The following IMPG1 variants were observed in gnomAD, a reference collection of about 807,000 sequenced individuals.
IMPG1 encodes interphotoreceptor matrix proteoglycan of 150 kDa.
IMPG1 carries 85 observed loss-of-function variants against 92.0 expected under a neutral mutation model. That is an observed-to-expected ratio of 0.92 (90% confidence interval 0.78 to 1.11). IMPG1 has a LOEUF of 1.11. IMPG1 is among the 50% of genes least tolerant of loss of function. The pLI is 0.00. For missense variants in IMPG1, 1,022 were observed against 956.0 expected (o/e 1.07, Z -0.91); for synonymous variants, 367 against 334.1 (o/e 1.10, Z -1.08).
At chr6:75,997,324 G>T (rs1307150254) in intron 12 of IMPG1, among the ~76,000 whole-genome samples, 4 of 152,134 alleles carry the variant, frequency 2.6e-5, no homozygotes, top group Non-Finnish European at 5.9e-5. Context: ...AACTCAGTTC[G>T]GCTGAGTTGT....
intron 1 of IMPG1, among the ~76,000 whole-genome samples, chr6:76,048,632 A>G (rs183532421): frequency 7.2e-5 from 11 of 152,246 alleles, no homozygotes; most frequent in African/African-American, 2.4e-4. Context: ...CCCTTTTGCT[A>G]TTGGATTATT....
chr6:75,947,280 C>T, intron 14 of IMPG1, 34 bp downstream of exon 14: 1 of 1,515,514 alleles, frequency 6.6e-7, no homozygotes, highest in Non-Finnish European at 9.1e-7. Flanking sequence ...ATGAACAAAA[C>T]ATCTCTACCA....
At chr6:76,058,120 A>G (rs1784150686) in intron 1 of IMPG1, among the ~76,000 whole-genome samples, 1 of 152,148 alleles carries the variant, frequency 6.6e-6, no homozygotes. Flanking sequence ...TGGTTTGCAA[A>G]TATTTTCTCC....
At chr6:76,055,263 C>A (rs971891293) in intron 1 of IMPG1, among the ~76,000 whole-genome samples, 3 of 151,682 alleles carry the variant, frequency 2.0e-5, no homozygotes, top group Non-Finnish European at 4.4e-5. Flanking sequence ...GTGTGAAAAA[C>A]AAATGGAAAA....
At chr6:75,932,740 C>G (rs1781685297) in intron 14 of IMPG1, among the ~76,000 whole-genome samples, 1 of 151,736 alleles carries the variant, frequency 6.6e-6, no homozygotes, top group South Asian at 2.1e-4. Flanking sequence ...CGCTCTTATT[C>G]CCTAGGCTGG....
chr6:75,973,205 C>T (rs937186267), intron 12 of IMPG1, among the ~76,000 whole-genome samples: 11 of 146,636 alleles, frequency 7.5e-5, no homozygotes, highest in African/African-American at 2.8e-4. Context: ...GTCTCAAACT[C>T]CTGGCCTCAA....
intron 1 of IMPG1, among the ~76,000 whole-genome samples, chr6:76,067,268 A>G (rs1378840561): frequency 1.3e-5 from 2 of 152,110 alleles, no homozygotes; most frequent in Non-Finnish European, 2.9e-5. Context: ...TCAAAAAGCT[A>G]AAGAATATTG....
At chr6:76,045,955 G>A (rs1178627896) in intron 1 of IMPG1, among the ~76,000 whole-genome samples, 1 of 152,116 alleles carries the variant, frequency 6.6e-6, no homozygotes, top group Non-Finnish European at 1.5e-5. Context: ...TAAAAGACTG[G>A]AAATTTTTTT....
intron 8 of IMPG1, among the ~76,000 whole-genome samples, chr6:76,010,552 T>C (rs1442446694): frequency 6.6e-6 from 1 of 152,158 alleles, no homozygotes; most frequent in Non-Finnish European, 1.5e-5. Context: ...TATGATCTTA[T>C]TTTTTTATTT....
Position 76,065,048 on chromosome 6 carries a change from GTATATACAACAT to G in IMPG1, c.67+7362_67+7373del, listed in dbSNP as rs1043295402. Among the ~76,000 whole-genome samples the G allele has an allele frequency of 3.3e-5, 5 of 151,726 alleles. 1 individual carries two copies. Among genetic ancestry groups the G allele is most frequent in the Admixed American group, 2.0e-4 (3 of 15,232 alleles). On this transcript the variant is annotated intron_variant, in intron 1 of 16. Transcript: ENST00000369950. ...TCTCCCTTCAGGATGTAACTATAAT[GTATATACAACAT>G]ACATTATAGTTACATCCTGAAGGGG...
intron 15 of IMPG1, 80 bp from the exon 16 acceptor site, chr6:75,923,786 T>C (rs1379111967): frequency 5.1e-6 from 4 of 785,064 alleles, no homozygotes; most frequent in Non-Finnish European, 8.5e-6. Context: ...TCTACTGTTT[T>C]AGTTTTAACA....
chr6:76,064,633 C>A (rs1374510741), intron 1 of IMPG1, among the ~76,000 whole-genome samples: 2 of 152,116 alleles, frequency 1.3e-5, no homozygotes, highest in African/African-American at 4.8e-5. Context: ...GTGGGCTTGG[C>A]AGTCCAACTC....
In IMPG1 at chr6:75,947,417, A is replaced by T. The variant is rs1781945815; in HGVS notation, c.1941T>A (p.Tyr647Ter). The change falls in exon 14 of 17, where the codon TAT (tyrosine) becomes TAA (stop). Residue 647 changes from tyrosine (Y) to a stop codon, truncating the protein, a stop_gained. Coordinates refer to ENST00000369950, the MANE Select transcript of IMPG1 (RefSeq NM_001563.4). LOFTEE classifies it high-confidence loss of function. ...CCCCGTGCACAGCCTTGGTGAGGTT[A>T]TACGGCACTGACTTAGCAAACTTCA... ...SKMKFAKSVP[Y>*]NLTKAVHGVL... 6.2e-7 allele frequency: 1 copy of T among 1,613,830 alleles called. No individual in the cohort carries two copies. The highest frequency in any genetic ancestry group is 1.1e-5 in the South Asian group (1 of 91,086).
intron 9 of IMPG1, among the ~76,000 whole-genome samples, chr6:76,006,343 A>G (rs558809257): frequency 6.7e-6 from 1 of 148,554 alleles, no homozygotes; most frequent in Non-Finnish European, 1.5e-5. Flanking sequence ...ATATATGCAC[A>G]CAATATATAT....
intron 1 of IMPG1, among the ~76,000 whole-genome samples, chr6:76,057,117 G>C (rs149456245): frequency 6.6e-6 from 1 of 151,988 alleles, no homozygotes; most frequent in East Asian, 1.9e-4. Flanking sequence ...GATACATGTC[G>C]GGGAACAACA....
At chr6:76,012,372 A>C (rs1329534633) in intron 7 of IMPG1, among the ~76,000 whole-genome samples, 1 of 152,120 alleles carries the variant, frequency 6.6e-6, no homozygotes, top group African/African-American at 2.4e-5. Context: ...CACTCTCTCC[A>C]TCTTCATTGC....
At chr6:75,947,871 C>A (rs72886035) in intron 13 of IMPG1, among the ~76,000 whole-genome samples, 26,898 of 150,078 alleles carry the variant, frequency 0.18, 2,952 homozygotes, top group Non-Finnish European at 0.26. Flanking sequence ...AAAAAAAAAA[C>A]CCAAGTAAAT....
At chr6:75,999,152 C>T (rs942596990) in intron 12 of IMPG1, among the ~76,000 whole-genome samples, 5 of 152,038 alleles carry the variant, frequency 3.3e-5, no homozygotes, top group Non-Finnish European at 4.4e-5. Context: ...CCACTGCGCC[C>T]GGCCGATAGG....
intron 1 of IMPG1, among the ~76,000 whole-genome samples, chr6:76,066,599 A>G (rs1263704645): frequency 6.6e-6 from 1 of 152,098 alleles, no homozygotes; most frequent in Non-Finnish European, 1.5e-5. Flanking sequence ...ATACAATAAT[A>G]TTGGGGGCCT....
Sources: allele counts gnomAD v4.1 joint callset (sites outside exome capture counted in the v4.1 genomes callset), GRCh38; gene constraint gnomAD v4.1.1; transcripts MANE v1.5; gene names NCBI Gene and HGNC (gene_info 2026-07-23, HGNC 2026-07-21).